Variants in PCDHGA9 observed in about 807,000 individuals in gnomAD.
The protein encoded by PCDHGA9 is protocadherin gamma-A9.
PCDHGA9 carries 37 observed loss-of-function variants against 62.5 expected under a neutral mutation model. The ratio of observed to expected loss-of-function variants is 0.59; its 90% confidence interval spans 0.46 to 0.78. The LOEUF is 0.78. Among genes scored for constraint, PCDHGA9 ranks in the 30% least tolerant of loss-of-function variants. The pLI is 0.00. For synonymous variants in PCDHGA9, 459 were observed against 484.6 expected, an observed-to-expected ratio of 0.95 and a Z score of 0.69; for missense variants, 1,138 against 1,166.2, an observed-to-expected ratio of 0.98 and a Z score of 0.35.
At chr5:141,501,198 G>C (rs2299024) in intron 2 of PCDHGA9, among the ~76,000 whole-genome samples, 89,086 of 151,686 alleles carry the variant, frequency 0.59, 27,759 homozygotes, top group African/African-American at 0.8. Context: ...TAAATTCAGG[G>C]TGTTGTCAGG....
At chr5:141,421,473 C>G (rs907282414) in intron 1 of PCDHGA9, 14 of 1,614,112 alleles carry the variant, frequency 8.7e-6, no homozygotes, top group African/African-American at 1.3e-5. Flanking sequence ...ATCCGCGAAG[C>G]GGCAGCTTGA....
chr5:141,499,404 T>G (rs1468724077), intron 2 of PCDHGA9, among the ~76,000 whole-genome samples: 3 of 152,178 alleles, frequency 2.0e-5, no homozygotes, highest in African/African-American at 7.2e-5. Context: ...ACATGCTCAT[T>G]ATAGAAACAT....
intron 1 of PCDHGA9, among the ~76,000 whole-genome samples, chr5:141,460,961 A>ATGTG (rs35821115): frequency 4.1e-5 from 6 of 144,616 alleles, no homozygotes; most frequent in South Asian, 2.2e-4. Context: ...GTATATATAT[A>ATGTG]TGTGTGTGTG....
chr5:141,489,458 G>A lies in PCDHGA9; in HGVS notation c.2425-5349G>A, dbSNP rs143138320. 3.5e-5 allele frequency: 56 copies of A among 1,614,042 alleles called. No homozygotes were observed. The highest frequency in any genetic ancestry group is 8.0e-5 in the African/African-American group (6 of 75,052). ...CAATTGGGCTCTGAGGAGAATGGGC[G>A]CTATTTTTCCCTGAGCTTGATGAGT... is the stretch of plus-strand genomic sequence containing the variant. On this transcript the variant is annotated intron_variant, in intron 1 of 3. Transcript: ENST00000573521. This position sits in a 1 kb window ranked among gnomAD's most constrained non-coding sequence, Gnocchi z 4.5.
chr5:141,418,157 A>G, intron 1 of PCDHGA9: 1 of 1,614,074 alleles, frequency 6.2e-7, no homozygotes, highest in Non-Finnish European at 8.5e-7. Context: ...CAAAGAGAGA[A>G]GAAGATGTGA....
chr5:141,403,547 G>T lies in PCDHGA9; in HGVS notation c.595G>T (p.Ala199Ser), dbSNP rs940508173. The change falls in exon 1 of 4, where the codon GCC (alanine) becomes TCC (serine). Residue 199 changes from alanine to serine, a missense_variant. Coordinates refer to ENST00000573521, the MANE Select transcript of PCDHGA9 (RefSeq NM_018921.3). ...AAACCCAGAGCTGGTGCTGGAGCGC[G>T]CCCTGGACAGGGAGGAGGCAACTGC... ...AINPELVLER[A>S]LDREEATAHH... 8 of 1,613,888 alleles carry T rather than the reference G, an allele frequency of 5.0e-6. No homozygotes were observed. The highest frequency in any genetic ancestry group is 1.3e-5 in the African/African-American group (1 of 74,944).
In PCDHGA9 at chr5:141,489,068, G is replaced by GGC; in HGVS notation, c.2425-5739_2425-5738insGC. 1 of 291,558 alleles carries GGC rather than the reference G, an allele frequency of 3.4e-6. No individual in the cohort carries two copies. The allele number at this position is 291,558 out of a possible 1,614,324, so 18.1% of individuals were successfully genotyped here. ...CTCAAATTCAGCTCCCCTCCCCCCT[G>GGC]CCCACCCCCGCCACTCGGTGACTAA... On this transcript the variant is annotated intron_variant, in intron 1 of 3. Transcript: ENST00000573521. The surrounding 1 kb of genome is among the most constrained non-coding windows in gnomAD (Gnocchi z 4.5).
chr5:141,467,284 C>T (rs2099140788), intron 1 of PCDHGA9, among the ~76,000 whole-genome samples: 1 of 152,080 alleles, frequency 6.6e-6, no homozygotes, highest in Non-Finnish European at 1.5e-5. Context: ...AACTCTTGAC[C>T]TCAAGTGATC....
In PCDHGA9 at chr5:141,405,279, C is replaced by G; in HGVS notation, c.2327C>G (p.Ala776Gly). 1 of 1,614,144 alleles carries G rather than the reference C, an allele frequency of 6.2e-7. No individual in the cohort carries two copies. Among genetic ancestry groups the G allele is most frequent in the Non-Finnish European group, 8.5e-7 (1 of 1,179,998 alleles). Residue 776 changes from alanine (A) to glycine (G), a missense_variant, in exon 1 of 4, where the codon GCA becomes GGA. Transcript: ENST00000573521. Reference sequence around the variant, plus strand: ...CTGATCTTCCCCCAGCCCAACTATGCAGACACACTCATCAGCCAGCAGAGC... The same window carrying G: ...CTGATCTTCCCCCAGCCCAACTATGGAGACACACTCATCAGCCAGCAGAGC... ...SHLIFPQPNYADTLISQQSCE... is the reference protein window; with the variant it reads ...SHLIFPQPNYGDTLISQQSCE...
intron 1 of PCDHGA9, chr5:141,421,613 A>T (rs2096587756): frequency 6.2e-7 from 1 of 1,613,720 alleles, no homozygotes; most frequent in Admixed American, 1.7e-5. Context: ...GATATTAATG[A>T]TAACGCCCCC....
chr5:141,485,964 T>A lies in PCDHGA9; in HGVS notation c.2425-8843T>A. 1 of 1,614,162 alleles carries A rather than the reference T, an allele frequency of 6.2e-7. No homozygotes were observed. The highest frequency in any genetic ancestry group is 8.5e-7 in the Non-Finnish European group (1 of 1,180,000). On this transcript the variant is annotated intron_variant, in intron 1 of 3. Transcript: ENST00000573521. The surrounding 1 kb of genome is among the most constrained non-coding windows in gnomAD (Gnocchi z 5.7). ...CCAGCGGGCATGGTGCTCATCCAGC[T>A]CAATGCCTCAGACCCGGACCTGGGT...
chr5:141,477,749 C>A lies in PCDHGA9; in HGVS notation c.2425-17058C>A, dbSNP rs2099417192. The A allele has an allele frequency of 6.2e-7, 1 of 1,613,786 alleles. No homozygotes were observed. Among genetic ancestry groups the A allele is most frequent in the African/African-American group, 1.3e-5 (1 of 74,928 alleles). ...AGCTCATATCAGCGATGGGGGCACCCCGGTCCTAGCCACCAACATCAGCGT... is the reference window on the plus strand; with the variant it reads ...AGCTCATATCAGCGATGGGGGCACCACGGTCCTAGCCACCAACATCAGCGT... On this transcript the variant is annotated intron_variant, in intron 1 of 3. Coordinates refer to ENST00000573521, the MANE Select transcript of PCDHGA9 (RefSeq NM_018921.3). This position sits in a 1 kb window ranked among gnomAD's most constrained non-coding sequence, Gnocchi z 4.9.
At chr5:141,435,858 A>C (rs138728159) in intron 1 of PCDHGA9, among the ~76,000 whole-genome samples, 1 of 152,304 alleles carries the variant, frequency 6.6e-6, no homozygotes, top group East Asian at 1.9e-4. Context: ...TACAATAGTT[A>C]AAACCCAGAA....
intron 1 of PCDHGA9, among the ~76,000 whole-genome samples, chr5:141,453,258 T>A (rs1336801456): frequency 1.6e-4 from 25 of 152,096 alleles, no homozygotes; most frequent in Admixed American, 1.6e-3. Flanking sequence ...GGGCTGCAAG[T>A]GCACACCACC....
In PCDHGA9 at chr5:141,430,991, A is replaced by G. The variant is rs2097333608; in HGVS notation, c.2424+25615A>G. 2.5e-6 allele frequency: 4 copies of G among 1,613,862 alleles called. No individual in the cohort carries two copies. In the East Asian group the frequency reaches 8.9e-5, roughly 36 times the overall value. ...AGGTAGGACGCAGCTTTTCGCCCTGAATCCGCGCAGCGGCAGCTTGGTCAC... is the reference window on the plus strand; with the variant it reads ...AGGTAGGACGCAGCTTTTCGCCCTGGATCCGCGCAGCGGCAGCTTGGTCAC... On this transcript the variant is annotated intron_variant, in intron 1 of 3. Coordinates refer to ENST00000573521, the MANE Select transcript of PCDHGA9 (RefSeq NM_018921.3).
chr5:141,510,553 A>C (rs1471878583), intron 3 of PCDHGA9, among the ~76,000 whole-genome samples: 1 of 152,162 alleles, frequency 6.6e-6, no homozygotes, highest in African/African-American at 2.4e-5. Context: ...TGTTTTGAGC[A>C]CTTACATCTA....
At chr5:141,439,215 G>A (rs1319217047) in intron 1 of PCDHGA9, among the ~76,000 whole-genome samples, 2 of 151,488 alleles carry the variant, frequency 1.3e-5, no homozygotes, top group African/African-American at 4.9e-5. Flanking sequence ...ATCCATATGT[G>A]AAAATTCTTA....
Position 141,489,065 on chromosome 5 carries a change from C to T in PCDHGA9, c.2425-5742C>T, listed in dbSNP as rs558074504. On this transcript the variant is annotated intron_variant, in intron 1 of 3. Coordinates refer to ENST00000573521, the MANE Select transcript of PCDHGA9 (RefSeq NM_018921.3). This position sits in a 1 kb window ranked among gnomAD's most constrained non-coding sequence, Gnocchi z 4.5. ...CCACTCAAATTCAGCTCCCCTCCCC[C>T]CTGCCCACCCCCGCCACTCGGTGAC... 3.3e-5 allele frequency: 13 copies of T among 388,932 alleles called. 1 individual carries two copies. Among genetic ancestry groups the T allele is most frequent in the African/African-American group, 8.5e-5 (4 of 47,158 alleles). 24.1% of individuals were successfully genotyped at this position (388,932 alleles called of 1,614,324 possible).
At chr5:141,418,458 TG>T in intron 1 of PCDHGA9, 1 of 1,614,010 alleles carries the variant, frequency 6.2e-7, no homozygotes, top group Non-Finnish European at 8.5e-7. Flanking sequence ...CAGAAGACTC[TG>T]GACCGAGAAA....
Sources: allele counts gnomAD v4.1 joint callset (sites outside exome capture counted in the v4.1 genomes callset), GRCh38; gene constraint gnomAD v4.1.1; non-coding constraint Gnocchi (gnomAD v3.1); transcripts MANE v1.5; gene names NCBI Gene and HGNC (gene_info 2026-07-23, HGNC 2026-07-21).